CCDC149: variants seen among roughly 807,000 people sequenced by gnomAD.
CCDC149 encodes coiled-coil domain-containing protein 149.
CCDC149 carries 45 observed loss-of-function variants against 59.9 expected under a neutral mutation model. That is an observed-to-expected ratio of 0.75 (90% CI 0.59 to 0.96). CCDC149 has a LOEUF of 0.96. Ranked by LOEUF, CCDC149 falls within the 40% of genes least tolerant of loss-of-function variation. CCDC149 has a pLI of 0.00. For synonymous variants in CCDC149, 245 were observed against 260.6 expected (o/e 0.94, Z 0.58); for missense variants, 584 against 664.7 (o/e 0.88, Z 1.33).
intron 1 of CCDC149, among the ~76,000 whole-genome samples, chr4:24,973,414 G>T (rs954871834): frequency 6.6e-6 from 1 of 152,128 alleles, no homozygotes; most frequent in Non-Finnish European, 1.5e-5. Context: ...TTATCCAATT[G>T]TACACTTTAA....
intron 12 of CCDC149, among the ~76,000 whole-genome samples, chr4:24,817,645 G>A (rs1374643110): frequency 2.0e-5 from 3 of 151,764 alleles, no homozygotes; most frequent in African/African-American, 7.3e-5. Flanking sequence ...TCAGATGGGC[G>A]GTTCCGGTTC....
chr4:24,912,803 C>A lies in CCDC149; in HGVS notation c.63+14G>T. 1 of 1,319,920 alleles carries A rather than the reference C, an allele frequency of 7.6e-7. No individual in the cohort carries two copies. The highest frequency in any genetic ancestry group is 1.5e-5 in the African/African-American group (1 of 65,114). The allele number at this position is 1,319,920 out of a possible 1,614,324, so 81.8% of individuals were successfully genotyped here. A position where few individuals can be genotyped will look rare whatever the true frequency, so the allele number is the denominator to read the frequency against. On this transcript the variant is annotated intron_variant, in intron 1 of 12. Coordinates refer to ENST00000635206, the MANE Select transcript of CCDC149 (RefSeq NM_001330643.2). ...GGCCCGGCCCATCCCGCCTGGCCGGCGCCGCGGCCTCACCTCGCTCACCAG... is the reference window on the plus strand; with the variant it reads ...GGCCCGGCCCATCCCGCCTGGCCGGAGCCGCGGCCTCACCTCGCTCACCAG...
chr4:24,935,386 T>C (rs1047763567), intron 1 of CCDC149, among the ~76,000 whole-genome samples: 10 of 152,174 alleles, frequency 6.6e-5, no homozygotes, highest in African/African-American at 1.7e-4. Context: ...AGGGGACTAT[T>C]AGAAATCAAA....
In CCDC149 at chr4:24,912,655, G is replaced by A. The variant is rs374304656; in HGVS notation, c.63+162C>T. ...CCGCGCAGACCCGAAAGTGCAGGAGGAGCGGCGCACCTGGCGGGGTCGCGC... is the reference window on the plus strand; with the variant it reads ...CCGCGCAGACCCGAAAGTGCAGGAGAAGCGGCGCACCTGGCGGGGTCGCGC... On this transcript the variant is annotated intron_variant, in intron 1 of 12. Transcript: ENST00000635206. 7.6e-4 allele frequency among the ~76,000 whole-genome samples: 115 copies of A among 152,258 alleles called. No individual in the cohort carries two copies. In the South Asian group the frequency reaches 0.015, roughly 19 times the overall value.
At chr4:24,844,964 A>G (rs930526847) in intron 4 of CCDC149, among the ~76,000 whole-genome samples, 6 of 152,218 alleles carry the variant, frequency 3.9e-5, no homozygotes, top group African/African-American at 1.2e-4. Context: ...TTATTTGCAC[A>G]TGAGAAGCTG....
At chr4:24,838,012 G>A (rs561693122) in intron 5 of CCDC149, 144 bp downstream of exon 5, 5 of 730,380 alleles carry the variant, frequency 6.8e-6, no homozygotes, top group South Asian at 1.6e-5. Context: ...TGGGACCCTA[G>A]TGCAGTGCTG....
chr4:24,839,679 T>C (rs1418871355), intron 4 of CCDC149, among the ~76,000 whole-genome samples: 3 of 152,186 alleles, frequency 2.0e-5, no homozygotes, highest in African/African-American at 4.8e-5. Context: ...GGGGCTGCAA[T>C]GGAAACTGTG....
chr4:24,852,288 AC>A (rs1717712505), intron 4 of CCDC149, among the ~76,000 whole-genome samples: 2 of 6,146 alleles, frequency 3.3e-4, no homozygotes, highest in Non-Finnish European at 4.9e-4. Context: ...AACACACCAT[AC>A]ACACACACAC....
In CCDC149 at chr4:24,971,509, T is replaced by C. The variant is rs376189893; in HGVS notation, c.-65+8560A>G. 1.9e-3 allele frequency among the ~76,000 whole-genome samples: 293 copies of C among 152,358 alleles called. 8 individuals carry two copies. In the South Asian group the frequency reaches 0.049, roughly 26 times the overall value. ...ACGTTAGGTGGTCACCCACATGAGC[T>C]TGTGCTTGGCTTGGAGCCACTATTG... On this transcript the variant is annotated intron_variant, in intron 1 of 12. Transcript: ENST00000389609.
intron 1 of CCDC149, among the ~76,000 whole-genome samples, chr4:24,884,263 A>G (rs1035599214): frequency 6.6e-6 from 1 of 152,212 alleles, no homozygotes; most frequent in Non-Finnish European, 1.5e-5. Flanking sequence ...AAATACACAA[A>G]CATTTACCAC....
chr4:24,960,157 G>A (rs1277026597), intron 1 of CCDC149, among the ~76,000 whole-genome samples: 1 of 152,076 alleles, frequency 6.6e-6, no homozygotes, highest in Non-Finnish European at 1.5e-5. Flanking sequence ...ATTTTCTCTT[G>A]CTATACGTAA....
intron 1 of CCDC149, among the ~76,000 whole-genome samples, chr4:24,958,371 T>C (rs1287910572): frequency 6.6e-6 from 1 of 152,220 alleles, no homozygotes; most frequent in Non-Finnish European, 1.5e-5. Context: ...AGACTACCTA[T>C]CTGAAGCACC....
At chr4:24,977,943 G>A (rs1254466465) in intron 1 of CCDC149, among the ~76,000 whole-genome samples, 2 of 152,046 alleles carry the variant, frequency 1.3e-5, no homozygotes, top group East Asian at 1.9e-4. Context: ...GTCCAGCCTG[G>A]GTAACATAAC....
At chr4:24,839,699 C>T (rs981948283) in intron 4 of CCDC149, among the ~76,000 whole-genome samples, 2 of 152,158 alleles carry the variant, frequency 1.3e-5, no homozygotes, top group Non-Finnish European at 2.9e-5. Flanking sequence ...GTGAGAGGCC[C>T]AAGAAGGCCC....
In CCDC149 at chr4:24,975,614, C is replaced by G. The variant is rs1227704218; in HGVS notation, c.-65+4455G>C. ...AGGGGAGGAGAGAGGAAGCATACGT[C>G]CTGGGGAAGGAGCTCATTGATGGGG... is the stretch of plus-strand genomic sequence containing the variant. On this transcript the variant is annotated intron_variant, in intron 1 of 12. Transcript: ENST00000389609. Among the ~76,000 whole-genome samples, 3 of 150,664 alleles carry G rather than the reference C, an allele frequency of 2.0e-5. No homozygotes were observed. The East Asian group carries it at 6.1e-4, about 30-fold the overall frequency.
intron 9 of CCDC149, among the ~76,000 whole-genome samples, chr4:24,824,694 C>T (rs547374974): frequency 4.7e-4 from 71 of 152,330 alleles, no homozygotes; most frequent in African/African-American, 1.7e-3. Context: ...AGCTGAGGAA[C>T]AGAAGTTAGT....
At chr4:24,919,538 G>A (rs1387538539) in intron 1 of CCDC149, among the ~76,000 whole-genome samples, 2 of 152,174 alleles carry the variant, frequency 1.3e-5, no homozygotes, top group Non-Finnish European at 2.9e-5. Context: ...AGGAAAACCA[G>A]GTCTATTTGG....
intron 1 of CCDC149, among the ~76,000 whole-genome samples, chr4:24,947,881 G>A (rs1371581612): frequency 6.6e-6 from 1 of 151,908 alleles, no homozygotes; most frequent in Non-Finnish European, 1.5e-5. Flanking sequence ...AGAGCCATCC[G>A]CAATATGGCC....
chr4:24,953,599 C>T (rs1258284066), intron 1 of CCDC149, among the ~76,000 whole-genome samples: 2 of 152,130 alleles, frequency 1.3e-5, no homozygotes. Context: ...TCTAGTAGTA[C>T]CGGATTATTA....
Sources: gnomAD v4.1 joint callset for allele counts (sites outside exome capture counted in the v4.1 genomes callset) on GRCh38, gnomAD v4.1.1 for gene constraint, MANE v1.5 for transcripts, NCBI Gene and HGNC (gene_info 2026-07-23, HGNC 2026-07-21) for gene names.